Variants in SAMD4A observed in about 807,000 individuals in gnomAD.
SAMD4A encodes the protein protein Smaug homolog 1.
Under a neutral mutation model 81.3 loss-of-function variants are expected in SAMD4A, and 33 were observed. The ratio of observed to expected loss-of-function variants is 0.41; its 90% CI spans 0.31 to 0.54. SAMD4A has a LOEUF of 0.54. Ranked by LOEUF, SAMD4A falls within the 20% of genes least tolerant of loss-of-function variation. The pLI is 0.37. For missense variants in SAMD4A, 854 were observed against 951.1 expected (o/e 0.90, Z 1.34); for synonymous variants, 389 against 382.1 (o/e 1.02, Z -0.21).
At chr14:54,707,320 T>C (rs568029936) in intron 3 of SAMD4A, among the ~76,000 whole-genome samples, 1 of 152,146 alleles carries the variant, frequency 6.6e-6, no homozygotes, top group East Asian at 1.9e-4. Flanking sequence ...CCCAGGCTGG[T>C]CTCAAACTCC....
At chr14:54,645,369 A>G (rs752471552) in intron 2 of SAMD4A, among the ~76,000 whole-genome samples, 1 of 152,228 alleles carries the variant, frequency 6.6e-6, no homozygotes, top group East Asian at 1.9e-4. Flanking sequence ...CTGTTCAGAC[A>G]TAACTACTGT....
At chr14:54,696,541 GT>G (rs2036583277) in intron 2 of SAMD4A, among the ~76,000 whole-genome samples, 1 of 152,158 alleles carries the variant, frequency 6.6e-6, no homozygotes, top group Non-Finnish European at 1.5e-5. Context: ...TATGGCAAAC[GT>G]TATTAAACTG....
intron 2 of SAMD4A, among the ~76,000 whole-genome samples, chr14:54,614,390 G>A (rs999388358): frequency 6.6e-6 from 1 of 152,170 alleles, no homozygotes; most frequent in South Asian, 2.1e-4. Context: ...TAATTTTTAA[G>A]AGTGTAAATG....
intron 12 of SAMD4A, among the ~76,000 whole-genome samples, chr14:54,786,994 C>T (rs1475734077): frequency 6.6e-6 from 1 of 152,192 alleles, no homozygotes; most frequent in Non-Finnish European, 1.5e-5. Flanking sequence ...CCTAGTTGGG[C>T]ACAGTGGCAG....
chr14:54,719,304 T>C lies in SAMD4A; in HGVS notation c.715+16724T>C, dbSNP rs375167000. Among the ~76,000 whole-genome samples the C allele has an allele frequency of 5.9e-5, 9 of 152,230 alleles. No homozygotes were observed. In the South Asian group the frequency reaches 1.7e-3, roughly 28 times the overall value. The stretch of plus-strand genomic sequence containing the variant: ...GTCCATGACGGTCATGAGGGTCCCA[T>C]TGGGAATCACAGCCCTAAGCCCGTG... On this transcript the variant is annotated intron_variant, in intron 3 of 12. Transcript: ENST00000554335.
chr14:54,652,036 G>A (rs2035415651), intron 2 of SAMD4A, among the ~76,000 whole-genome samples: 1 of 152,224 alleles, frequency 6.6e-6, no homozygotes, highest in Non-Finnish European at 1.5e-5. Context: ...CAGAAGATCA[G>A]ACCACAAGTT....
At chr14:54,618,818 A>C (rs577598364) in intron 2 of SAMD4A, among the ~76,000 whole-genome samples, 2 of 152,090 alleles carry the variant, frequency 1.3e-5, no homozygotes, top group Non-Finnish European at 2.9e-5. Context: ...ATTTTGGAAA[A>C]ATTATTTACT....
intron 3 of SAMD4A, among the ~76,000 whole-genome samples, chr14:54,713,895 G>A (rs1047529467): frequency 2.6e-5 from 4 of 152,066 alleles, no homozygotes; most frequent in Non-Finnish European, 4.4e-5. Flanking sequence ...AATAACTAGA[G>A]GTATAGTTAT....
At chr14:54,770,777 T>G (rs976633188) in intron 9 of SAMD4A, among the ~76,000 whole-genome samples, 1 of 152,242 alleles carries the variant, frequency 6.6e-6, no homozygotes, top group Non-Finnish European at 1.5e-5. Context: ...AGCCTGGTTG[T>G]ACTTTAGAAC....
intron 8 of SAMD4A, among the ~76,000 whole-genome samples, chr14:54,766,137 C>A (rs567637815): frequency 6.6e-6 from 1 of 152,136 alleles, no homozygotes; most frequent in Non-Finnish European, 1.5e-5. Context: ...GTCAAAAGCC[C>A]GTACTGAAGG....
intron 3 of SAMD4A, among the ~76,000 whole-genome samples, chr14:54,726,080 G>A (rs926301894): frequency 1.1e-4 from 16 of 151,984 alleles, no homozygotes; most frequent in African/African-American, 3.1e-4. Context: ...CCTGTCCATG[G>A]ATCTAGAATG....
At chr14:54,710,482 A>G (rs2036961424) in intron 3 of SAMD4A, among the ~76,000 whole-genome samples, 1 of 152,162 alleles carries the variant, frequency 6.6e-6, no homozygotes, top group South Asian at 2.1e-4. Flanking sequence ...CAGACCTACT[A>G]AGTAGTTCAG....
intron 12 of SAMD4A, 74 bp from the exon 13 acceptor site, chr14:54,788,842 G>A (rs1449565935): frequency 1.3e-6 from 2 of 1,585,486 alleles, no homozygotes; most frequent in East Asian, 4.5e-5. Flanking sequence ...CACCGTGCAT[G>A]GCGTTGGCAT....
chr14:54,570,552 A>T (rs2033101087), intron 2 of SAMD4A, among the ~76,000 whole-genome samples: 1 of 152,188 alleles, frequency 6.6e-6, no homozygotes, highest in African/African-American at 2.4e-5. Context: ...TGACAGCCTG[A>T]CAACTTGGAA....
At position 54,762,795 on chromosome 14, in the gene SAMD4A, C is replaced by G. The variant is rs77582910; in HGVS notation, c.1511-1660C>G. Among the ~76,000 whole-genome samples, 113 of 152,232 alleles carry G rather than the reference C, an allele frequency of 7.4e-4. 1 individual carries two copies. Among genetic ancestry groups the G allele is most frequent in the African/African-American group, 2.6e-3 (109 of 41,532 alleles). On this transcript the variant is annotated intron_variant, in intron 7 of 12. Coordinates refer to ENST00000554335, the MANE Select transcript of SAMD4A (RefSeq NM_015589.6). ...CCATCCTCATTCCCAGGGATAGTCA[C>G]TATTAAGTTTTGGGATATCCTTTCA...
At chr14:54,687,593 A>C (rs1199499046) in intron 2 of SAMD4A, among the ~76,000 whole-genome samples, 1 of 152,054 alleles carries the variant, frequency 6.6e-6, no homozygotes, top group Non-Finnish European at 1.5e-5. Flanking sequence ...CTTGTGATCG[A>C]GGTTAGGAAT....
intron 9 of SAMD4A, 152 bp downstream of exon 9, chr14:54,770,374 T>C (rs1002104486): frequency 1.6e-6 from 1 of 632,864 alleles, no homozygotes; most frequent in South Asian, 2.1e-5. Flanking sequence ...CTTAAACAGG[T>C]GGGGCTGGGA....
chr14:54,784,679 G>T (rs2039089141), intron 12 of SAMD4A, 59 bp downstream of exon 12: 1 of 1,461,736 alleles, frequency 6.8e-7, no homozygotes, highest in African/African-American at 1.4e-5. Flanking sequence ...TGGGAGAACT[G>T]GCCATCTGCT....
intron 2 of SAMD4A, among the ~76,000 whole-genome samples, chr14:54,651,450 A>C (rs1470900147): frequency 6.6e-6 from 1 of 152,082 alleles, no homozygotes; most frequent in East Asian, 1.9e-4. Context: ...TTTGTTTGAC[A>C]AGTTTTGTTG....
Sources: allele counts gnomAD v4.1 joint callset (sites outside exome capture counted in the v4.1 genomes callset), GRCh38; gene constraint gnomAD v4.1.1; transcripts MANE v1.5; gene names NCBI Gene and HGNC (gene_info 2026-07-23, HGNC 2026-07-21).